The following NTNG1 variants were observed in gnomAD, a reference collection of about 807,000 sequenced individuals.
NTNG1 encodes netrin-G1.
In NTNG1, 16 loss-of-function variants were observed where a neutral mutation model predicts 54.0. That is an observed-to-expected ratio of 0.30 (90% CI 0.20 to 0.45). NTNG1 has a LOEUF of 0.45. Ranked by LOEUF, NTNG1 falls within the 20% of genes least tolerant of loss-of-function variation. The probability of loss-of-function intolerance (pLI) is 1.00; values close to 1 mark genes in which losing one functional copy is unlikely to be tolerated. For synonymous variants in NTNG1, 255 were observed against 263.1 expected (o/e 0.97, Z 0.30); for missense variants, 530 against 678.7 (o/e 0.78, Z 2.43).
intron 7 of NTNG1, among the ~76,000 whole-genome samples, chr1:107,457,555 G>A (rs541028089): frequency 1.3e-5 from 2 of 152,160 alleles, no homozygotes; most frequent in Admixed American, 6.5e-5. Context: ...TTCATGTAAT[G>A]CTCTAAGACA....
At position 107,324,723 on chromosome 1, in the gene NTNG1, G is replaced by T; in HGVS notation, c.688G>T (p.Ala230Ser). 6.2e-7 allele frequency: 1 copy of T among 1,613,544 alleles called. No homozygotes were observed. Among genetic ancestry groups the T allele is most frequent in the East Asian group, 2.2e-5 (1 of 44,818 alleles). ...CCACTTTGAAATCAAAGACAGGTTC[G>T]CGTTTTTTGCTGGACCTCGCCTACG... ...IIHFEIKDRF[A>S]FFAGPRLRNM... Residue 230 changes from alanine to serine, a missense_variant, in exon 3 of 8, where the codon GCG becomes TCG. Physicochemically the swap from Ala to Ser is moderately conservative, Grantham distance 99 (BLOSUM62 1). Transcript: ENST00000370068.
rs150592565 is a variant in NTNG1 at position 107,472,192 on chromosome 1, G to C, written c.1391-8419G>C. 1.2e-3 allele frequency among the ~76,000 whole-genome samples: 186 copies of C among 152,102 alleles called. 1 individual carries two copies. Among genetic ancestry groups the C allele is most frequent in the African/African-American group, 4.3e-3 (180 of 41,514 alleles). On this transcript the variant is annotated intron_variant, in intron 7 of 7. Coordinates refer to ENST00000370068, the MANE Select transcript of NTNG1 (RefSeq NM_001113226.3). Reference sequence around the variant, plus strand: ...GGGAAAAAACTATCCCTGTTCCATGGGGCAGCAGATAAGACTGAACCAAAA... The same window carrying C: ...GGGAAAAAACTATCCCTGTTCCATGCGGCAGCAGATAAGACTGAACCAAAA...
At chr1:107,442,085 C>T (rs1235558445) in intron 7 of NTNG1, among the ~76,000 whole-genome samples, 1 of 152,024 alleles carries the variant, frequency 6.6e-6, no homozygotes, top group Non-Finnish European at 1.5e-5. Flanking sequence ...TGGGGGAATT[C>T]AAATATCAGG....
chr1:107,372,408 TG>T (rs1670974840), intron 3 of NTNG1, among the ~76,000 whole-genome samples: 1 of 152,048 alleles, frequency 6.6e-6, no homozygotes, highest in Admixed American at 6.6e-5. Flanking sequence ...GGAAACTTTT[TG>T]AGATTTAATT....
chr1:107,459,529 A>G (rs1677151449), intron 7 of NTNG1, among the ~76,000 whole-genome samples: 3 of 152,158 alleles, frequency 2.0e-5, no homozygotes, highest in Admixed American at 2.0e-4. Flanking sequence ...AAAAGTTGCC[A>G]AAAGAAAAAA....
chr1:107,470,027 G>C (rs74110922), intron 7 of NTNG1, among the ~76,000 whole-genome samples: 10,968 of 152,178 alleles, frequency 0.072, 477 homozygotes, highest in East Asian at 0.22. Context: ...ATGGTCATCC[G>C]TTGGGTTGCA....
At chr1:107,240,356 C>T (rs114241920) in intron 2 of NTNG1, among the ~76,000 whole-genome samples, 197 of 151,162 alleles carry the variant, frequency 1.3e-3, no homozygotes, top group Non-Finnish European at 2.3e-3. Flanking sequence ...TAAATGGTGA[C>T]GGTCAGTAGT....
intron 3 of NTNG1, among the ~76,000 whole-genome samples, chr1:107,378,179 A>T (rs1344146284): frequency 1.3e-5 from 2 of 152,188 alleles, no homozygotes; most frequent in Non-Finnish European, 2.9e-5. Context: ...GTCTAAACCA[A>T]CCCTGTGCTT....
At chr1:107,275,628 A>G (rs1424342575) in intron 2 of NTNG1, among the ~76,000 whole-genome samples, 2 of 152,148 alleles carry the variant, frequency 1.3e-5, no homozygotes, top group African/African-American at 4.8e-5. Context: ...GTCCAAAGGC[A>G]GGGAAAAAAA....
intron 3 of NTNG1, among the ~76,000 whole-genome samples, chr1:107,354,137 T>A (rs1361388502): frequency 6.6e-6 from 1 of 152,054 alleles, no homozygotes; most frequent in African/African-American, 2.4e-5. Context: ...CTTGGATAAC[T>A]GATTGTTCCA....
At chr1:107,397,038 T>G (rs1356132104) in intron 4 of NTNG1, among the ~76,000 whole-genome samples, 1 of 152,218 alleles carries the variant, frequency 6.6e-6, no homozygotes, top group East Asian at 1.9e-4. Context: ...TGTTATTCTC[T>G]TGTTATAATC....
chr1:107,389,713 A>C (rs1479083916), intron 3 of NTNG1, among the ~76,000 whole-genome samples: 1 of 152,218 alleles, frequency 6.6e-6, no homozygotes, highest in African/African-American at 2.4e-5. Context: ...AGGAACACGC[A>C]GGTCAATTAG....
chr1:107,392,422 G>A (rs1456553028), intron 3 of NTNG1, among the ~76,000 whole-genome samples: 1 of 152,024 alleles, frequency 6.6e-6, no homozygotes, highest in Non-Finnish European at 1.5e-5. Flanking sequence ...CGCAAGGAGA[G>A]TGAGCTGGCT....
chr1:107,302,453 A>T (rs1174779458), intron 2 of NTNG1, among the ~76,000 whole-genome samples: 1 of 152,068 alleles, frequency 6.6e-6, no homozygotes, highest in Non-Finnish European at 1.5e-5. Flanking sequence ...CAAGAAAAAT[A>T]TTATTATTAT....
intron 2 of NTNG1, among the ~76,000 whole-genome samples, chr1:107,191,018 G>T (rs1378006432): frequency 6.6e-6 from 1 of 152,164 alleles, no homozygotes; most frequent in Admixed American, 6.5e-5. Context: ...TTCCACAATG[G>T]TTGAACTAGT....
chr1:107,143,315 C>G (rs1385263216), intron 1 of NTNG1: 1 of 152,032 alleles, frequency 6.6e-6, no homozygotes, highest in Non-Finnish European at 1.5e-5. Context: ...TCAGGTTAGC[C>G]TTTTTAGGAG....
intron 2 of NTNG1, among the ~76,000 whole-genome samples, chr1:107,190,527 T>C (rs1025122473): frequency 6.6e-6 from 1 of 152,128 alleles, no homozygotes; most frequent in South Asian, 2.1e-4. Flanking sequence ...GCTGCACCCA[T>C]TAACTCGTCA....
intron 1 of NTNG1, among the ~76,000 whole-genome samples, chr1:107,145,893 T>C (rs546869573): frequency 2.0e-5 from 3 of 152,090 alleles, no homozygotes; most frequent in Admixed American, 6.5e-5. Flanking sequence ...TATATTGGGA[T>C]TGCTGTTGTG....
intron 2 of NTNG1, among the ~76,000 whole-genome samples, chr1:107,159,956 A>C (rs538631667): frequency 6.6e-6 from 1 of 152,340 alleles, no homozygotes; most frequent in South Asian, 2.1e-4. Flanking sequence ...AGCGGAGTAC[A>C]TATTGTATTC....
Sources: gnomAD v4.1 joint callset for allele counts (sites outside exome capture counted in the v4.1 genomes callset) on GRCh38, gnomAD v4.1.1 for gene constraint, MANE v1.5 for transcripts, NCBI Gene and HGNC (gene_info 2026-07-23, HGNC 2026-07-21) for gene names.